The following TET3 variants were observed in gnomAD, a reference collection of about 807,000 sequenced individuals.
The protein encoded by TET3 is tet methylcytosine dioxygenase 3, also known as methylcytosine dioxygenase TET3.
A neutral mutation model predicts 141.4 loss-of-function variants in TET3; 19 were observed. The observed-to-expected ratio is 0.13, with a 90% CI of 0.09 to 0.20. The LOEUF (loss-of-function observed/expected upper bound fraction) is 0.20, where lower values mean the gene tolerates loss of function less well. Among genes scored for constraint, TET3 ranks in the 10% least tolerant of loss-of-function variants. TET3 has a pLI of 1.00. For missense variants in TET3, 1,874 were observed against 2,356.9 expected (o/e 0.80, Z 4.24); for synonymous variants, 1,043 against 980.9 (o/e 1.06, Z -1.18).
In TET3 at chr2:74,090,027, G is replaced by A. The variant is rs754843346; in HGVS notation, c.3019G>A (p.Ala1007Thr). The A allele has an allele frequency of 1.6e-5, 26 of 1,613,848 alleles. No homozygotes were observed. Among genetic ancestry groups the A allele is most frequent in the East Asian group, 1.3e-4 (6 of 44,894 alleles). Residue 1007 changes from alanine to threonine, a missense_variant, in exon 8 of 12, where the codon GCA (alanine) becomes ACA (threonine). By Grantham distance (58) the Ala-to-Thr change is moderately conservative. This residue lies in a region of TET3 where 126 missense variants were observed against 327.4 expected (regional missense o/e 0.38). Coordinates refer to ENST00000409262, the MANE Select transcript of TET3 (RefSeq NM_001287491.2). ...RSKTPRKFRLAGDNPKEEEVL... is the reference protein window; with the variant it reads ...RSKTPRKFRLTGDNPKEEEVL... Reference sequence around the variant, plus strand: ...CAAGACACCTCGCAAGTTCCGCCTCGCAGGGGACAATCCCAAAGAGGTGAG... The same window carrying A: ...CAAGACACCTCGCAAGTTCCGCCTCACAGGGGACAATCCCAAAGAGGTGAG...
chr2:74,098,229 G>A (rs901478287), intron 10 of TET3, among the ~76,000 whole-genome samples: 1 of 152,062 alleles, frequency 6.6e-6, no homozygotes, highest in African/African-American at 2.4e-5. Flanking sequence ...AGCTAAAAGG[G>A]TATTTCAAAA....
intron 4 of TET3, among the ~76,000 whole-genome samples, chr2:74,061,822 G>A (rs1688605722): frequency 8.5e-6 from 1 of 117,970 alleles, no homozygotes; most frequent in Admixed American, 8.0e-5. Context: ...CTCAGACGAT[G>A]GGCGGCCGGG....
chr2:74,122,644 G>T, the TET3 span, among the ~76,000 whole-genome samples: 2 of 139,786 alleles, frequency 1.4e-5, no homozygotes, highest in African/African-American at 5.3e-5. Context: ...CTCCCAAGTA[G>T]CTGGGACTAA....
At chr2:74,064,216 G>A (rs937621201) in intron 4 of TET3, among the ~76,000 whole-genome samples, 5 of 151,814 alleles carry the variant, frequency 3.3e-5, no homozygotes, top group African/African-American at 9.7e-5. Flanking sequence ...TATGGCACCC[G>A]TATACACGCA....
chr2:74,039,966 G>A (rs1687257111), intron 3 of TET3, among the ~76,000 whole-genome samples: 1 of 152,178 alleles, frequency 6.6e-6, no homozygotes, highest in African/African-American at 2.4e-5. Flanking sequence ...AGATTGAAGA[G>A]GAGGGAACAT....
the TET3 span, among the ~76,000 whole-genome samples, chr2:74,131,092 C>A: frequency 6.6e-6 from 1 of 152,078 alleles, no homozygotes; most frequent in Non-Finnish European, 1.5e-5. Context: ...TGCCTCCGCT[C>A]TCCCGTTCCC....
At position 74,047,584 on chromosome 2, in the gene TET3, C is replaced by T. The variant is rs1219131528; in HGVS notation, c.1667C>T (p.Ala556Val). 1.9e-6 allele frequency: 3 copies of T among 1,613,832 alleles called. No homozygotes were observed. The African/African-American group carries it at 4.0e-5, about 22-fold the overall frequency. ...TSFPAPSEPSAPGWWPPPSSP... is the reference protein window; with the variant it reads ...TSFPAPSEPSVPGWWPPPSSP... ...TTCCCTGCTCCTTCAGAGCCTTCTG[C>T]TCCTGGCTGGTGGCCCCCACCAAGT... The change falls in exon 4 of 12, where the codon GCT becomes GTT. Residue 556 changes from alanine to valine, a missense_variant. Ala to Val is a moderately conservative substitution (Grantham distance 64, BLOSUM62 0). Coordinates refer to ENST00000409262, the MANE Select transcript of TET3 (RefSeq NM_001287491.2).
At chr2:74,098,343 TGGG>T (rs953271448) in intron 10 of TET3, among the ~76,000 whole-genome samples, 10 of 152,210 alleles carry the variant, frequency 6.6e-5, no homozygotes, top group Admixed American at 2.6e-4. Context: ...CTAATCATAT[TGGG>T]GGAGAATATT....
chr2:74,087,262 T>C lies in TET3; in HGVS notation c.2680-568T>C, dbSNP rs190529631. On this transcript the variant is annotated intron_variant, in intron 6 of 11. Coordinates refer to ENST00000409262, the MANE Select transcript of TET3 (RefSeq NM_001287491.2). This position sits in a 1 kb window ranked among gnomAD's most constrained non-coding sequence, Gnocchi z 4.3. ...GCTTCCACCTTTTGGCTGTTGTGAA[T>C]AGTGCTGCAGTGAACGTGGGTATTC... Among the ~76,000 whole-genome samples, 249 of 152,332 alleles carry C rather than the reference T, an allele frequency of 1.6e-3. 2 individuals carry two copies. Among genetic ancestry groups the C allele is most frequent in the African/African-American group, 5.1e-3 (212 of 41,578 alleles).
downstream of TET3, among the ~76,000 whole-genome samples, chr2:74,109,835 A>T (rs566710434): frequency 2.6e-5 from 4 of 152,288 alleles, no homozygotes; most frequent in African/African-American, 9.6e-5. Context: ...GACACCAAGG[A>T]GCCCCACGAT....
At position 74,105,640 on chromosome 2, in the gene TET3, C is replaced by T; in HGVS notation, c.*3464C>T. 2.8e-6 allele frequency: 1 copy of T among 362,946 alleles called. No homozygotes were observed. Among genetic ancestry groups the T allele is most frequent in the Non-Finnish European group, 4.9e-6 (1 of 203,322 alleles). The allele number at this position is 362,946 out of a possible 1,614,324, so 22.5% of individuals were successfully genotyped here. ...GATACCCCACCGCCCCCTCTTGGTC[C>T]TTCCACCAGCCTCTTTTGGGAACAG... On this transcript the variant is annotated 3_prime_UTR_variant, in exon 12 of 12. Coordinates refer to ENST00000409262, the MANE Select transcript of TET3 (RefSeq NM_001287491.2).
At chr2:74,041,605 T>G (rs1453252642) in intron 3 of TET3, among the ~76,000 whole-genome samples, 1 of 152,238 alleles carries the variant, frequency 6.6e-6, no homozygotes, top group Non-Finnish European at 1.5e-5. Flanking sequence ...AATGTATCTG[T>G]TAAGGCGAAG....
At chr2:74,054,252 T>A (rs549599492) in intron 4 of TET3, among the ~76,000 whole-genome samples, 1 of 151,852 alleles carries the variant, frequency 6.6e-6, no homozygotes, top group African/African-American at 2.4e-5. Flanking sequence ...AGGCAAGAAA[T>A]AATGGGCCTC....
chr2:74,023,423 C>A (rs556792375), intron 3 of TET3, among the ~76,000 whole-genome samples: 2 of 151,850 alleles, frequency 1.3e-5, no homozygotes, highest in South Asian at 2.1e-4. Flanking sequence ...TTCTATTTTT[C>A]GTAATGATGG....
chr2:74,032,230 C>T (rs1254315314), intron 3 of TET3, among the ~76,000 whole-genome samples: 6 of 152,002 alleles, frequency 3.9e-5, no homozygotes, highest in Non-Finnish European at 5.9e-5. Flanking sequence ...ACTGGCTCTG[C>T]GGGGGACTGT....
the TET3 span, among the ~76,000 whole-genome samples, chr2:74,126,555 T>G: frequency 6.9e-6 from 1 of 143,906 alleles, no homozygotes; most frequent in Non-Finnish European, 1.5e-5. Context: ...CAGGCTGGAG[T>G]GCAGTGGTGC....
chr2:74,124,056 C>G, the TET3 span, among the ~76,000 whole-genome samples: 1 of 150,732 alleles, frequency 6.6e-6, no homozygotes, highest in Non-Finnish European at 1.5e-5. Flanking sequence ...GGAGCCCCTC[C>G]GCCCGGCAGC....
chr2:74,034,862 T>C (rs1350975018), intron 3 of TET3, among the ~76,000 whole-genome samples: 1 of 152,040 alleles, frequency 6.6e-6, no homozygotes, highest in Non-Finnish European at 1.5e-5. Flanking sequence ...TCAAAGTATT[T>C]GTTCTGTTTT....
chr2:74,001,963 G>T (rs143080619), intron 2 of TET3, among the ~76,000 whole-genome samples: 2 of 152,044 alleles, frequency 1.3e-5, no homozygotes, highest in African/African-American at 4.8e-5. Flanking sequence ...GGCGGGGCTG[G>T]GGGGTGATCC....
Sources: allele counts gnomAD v4.1 joint callset (sites outside exome capture counted in the v4.1 genomes callset), GRCh38; gene constraint gnomAD v4.1.1; regional missense constraint gnomAD v4.1.1; non-coding constraint Gnocchi (gnomAD v3.1); transcripts MANE v1.5; gene names NCBI Gene and HGNC (gene_info 2026-07-23, HGNC 2026-07-21).